PCDH15: variants seen among roughly 807,000 people sequenced by gnomAD.
The protein encoded by PCDH15 is protocadherin related 15, also known as protocadherin-15.
In PCDH15, 129 loss-of-function variants were observed where a neutral mutation model predicts 178.5. The ratio of observed to expected loss-of-function variants is 0.72; its 90% CI spans 0.63 to 0.84. The LOEUF (loss-of-function observed/expected upper bound fraction) is 0.84. Among genes scored for constraint, PCDH15 ranks in the 40% least tolerant of loss-of-function variants. The probability of loss-of-function intolerance (pLI) is 0.00; values close to 1 mark genes in which losing one functional copy is unlikely to be tolerated. For synonymous variants in PCDH15, 800 were observed against 732.0 expected (o/e 1.09, Z -1.50); for missense variants, 2,230 against 2,099.9 (o/e 1.06, Z -1.21).
intron 3 of PCDH15, among the ~76,000 whole-genome samples, chr10:54,451,400 G>A (rs994849283): frequency 8.6e-5 from 13 of 151,932 alleles, no homozygotes; most frequent in African/African-American, 3.1e-4. Flanking sequence ...TAGTTTGGAT[G>A]AGTCTGAACA....
At chr10:55,579,838 G>C (rs1014227611) in intron 2 of PCDH15, among the ~76,000 whole-genome samples, 1 of 151,724 alleles carries the variant, frequency 6.6e-6, no homozygotes, top group Non-Finnish European at 1.5e-5. Context: ...TTTTTTATTT[G>C]TTTTTTGTTG....
chr10:55,395,418 A>G (rs1354428349), intron 2 of PCDH15, among the ~76,000 whole-genome samples: 1 of 152,142 alleles, frequency 6.6e-6, no homozygotes, highest in Non-Finnish European at 1.5e-5. Context: ...AGATCATTAC[A>G]TGTGAAACAG....
chr10:54,067,466 T>G (rs1225581887), intron 17 of PCDH15, among the ~76,000 whole-genome samples: 1 of 152,196 alleles, frequency 6.6e-6, no homozygotes. Flanking sequence ...GGAAATGGTA[T>G]GCAGGTAAAC....
At chr10:54,840,963 C>A (rs987532779) in intron 3 of PCDH15, among the ~76,000 whole-genome samples, 3 of 151,766 alleles carry the variant, frequency 2.0e-5, no homozygotes, top group African/African-American at 7.2e-5. Flanking sequence ...AAGTAGACAG[C>A]AGTACAATAA....
chr10:55,085,315 T>C (rs560747436), intron 2 of PCDH15, among the ~76,000 whole-genome samples: 1 of 151,996 alleles, frequency 6.6e-6, no homozygotes, highest in South Asian at 2.1e-4. Context: ...ATTAAAACAA[T>C]TGAACTCATG....
At chr10:54,095,572 T>C (rs932196645) in intron 15 of PCDH15, among the ~76,000 whole-genome samples, 1 of 152,082 alleles carries the variant, frequency 6.6e-6, no homozygotes, top group Non-Finnish European at 1.5e-5. Context: ...ACAGCTCTTT[T>C]TCTTACAATA....
intron 8 of PCDH15, among the ~76,000 whole-genome samples, chr10:54,262,003 T>C (rs545137477): frequency 2.0e-5 from 3 of 152,258 alleles, no homozygotes; most frequent in South Asian, 4.1e-4. Context: ...CTGGCCCATA[T>C]ACCTTGAACA....
chr10:55,029,034 G>T (rs1270947596), intron 2 of PCDH15, among the ~76,000 whole-genome samples: 1 of 151,824 alleles, frequency 6.6e-6, no homozygotes, highest in East Asian at 1.9e-4. Flanking sequence ...TATTAATACT[G>T]CATTGTACCA....
Position 53,840,422 on chromosome 10 carries a change from T to G in PCDH15, c.3881A>C (p.His1294Pro). 6.2e-7 allele frequency: 1 copy of G among 1,614,120 alleles called. No individual in the cohort carries two copies. The highest frequency in any genetic ancestry group is 8.5e-7 in the Non-Finnish European group (1 of 1,179,980). The change falls in exon 29 of 38, where the codon CAT becomes CCT. Residue 1294 changes from histidine (H) to proline (P), a missense_variant. His to Pro is a moderately conservative substitution (Grantham distance 77). Transcript: ENST00000644397. Reference protein sequence around the residue: ...VVVESIGARRHGDAFSLEDYT... With the variant: ...VVVESIGARRPGDAFSLEDYT... ...ATCTTCTAGGGAAAAGGCATCTCCA[T>G]GCCGGCGAGCTCCAATGGACTCCAC...
chr10:54,042,041 A>T (rs1372442489), intron 18 of PCDH15, among the ~76,000 whole-genome samples: 1 of 152,120 alleles, frequency 6.6e-6, no homozygotes, highest in Non-Finnish European at 1.5e-5. Flanking sequence ...ATAATGGCAT[A>T]ATGACTTAGA....
chr10:54,997,482 C>T (rs1363614661), intron 2 of PCDH15, among the ~76,000 whole-genome samples: 1 of 152,144 alleles, frequency 6.6e-6, no homozygotes, highest in Non-Finnish European at 1.5e-5. Flanking sequence ...TGTCAGCATA[C>T]ATTTTCATCT....
At chr10:54,305,106 T>C (rs1448755417) in intron 8 of PCDH15, among the ~76,000 whole-genome samples, 3 of 152,134 alleles carry the variant, frequency 2.0e-5, no homozygotes, top group Admixed American at 6.6e-5. Flanking sequence ...TAAAGTGTTA[T>C]GTACATAATT....
At chr10:53,847,047 G>A (rs1248891607) in intron 28 of PCDH15, among the ~76,000 whole-genome samples, 1 of 151,958 alleles carries the variant, frequency 6.6e-6, no homozygotes, top group African/African-American at 2.4e-5. Context: ...CTCCATTATT[G>A]TGTCTTTGTG....
intron 2 of PCDH15, among the ~76,000 whole-genome samples, chr10:55,390,936 T>C (rs1436320661): frequency 6.6e-6 from 1 of 152,188 alleles, no homozygotes; most frequent in African/African-American, 2.4e-5. Flanking sequence ...CATTAAGACT[T>C]AAGGACCCTG....
chr10:54,460,632 A>G (rs2077107415), intron 3 of PCDH15, among the ~76,000 whole-genome samples: 1 of 152,134 alleles, frequency 6.6e-6, no homozygotes, highest in Admixed American at 6.6e-5. Flanking sequence ...TATAATACAC[A>G]AAATATCATC....
intron 2 of PCDH15, among the ~76,000 whole-genome samples, chr10:55,005,946 A>G (rs1011002042): frequency 2.6e-5 from 4 of 151,830 alleles, no homozygotes; most frequent in African/African-American, 9.7e-5. Context: ...ATAAATACTT[A>G]TTCTATTTTT....
intron 14 of PCDH15, among the ~76,000 whole-genome samples, chr10:54,143,690 TTCA>T (rs1350323271): frequency 3.9e-5 from 6 of 152,198 alleles, no homozygotes; most frequent in Non-Finnish European, 8.8e-5. Context: ...TGTTTTGTTT[TTCA>T]GAGTCTGGAT....
chr10:53,904,047 A>G (rs550844788), intron 25 of PCDH15, among the ~76,000 whole-genome samples: 1 of 152,316 alleles, frequency 6.6e-6, no homozygotes, highest in South Asian at 2.1e-4. Flanking sequence ...ATATGTCATC[A>G]TCAAATGTTA....
intron 2 of PCDH15, among the ~76,000 whole-genome samples, chr10:55,359,244 A>G (rs898683396): frequency 1.3e-5 from 2 of 151,932 alleles, no homozygotes; most frequent in African/African-American, 4.8e-5. Flanking sequence ...TGGCACAAGT[A>G]TACTAAAATC....
Sources: allele counts gnomAD v4.1 joint callset (sites outside exome capture counted in the v4.1 genomes callset), GRCh38; gene constraint gnomAD v4.1.1; transcripts MANE v1.5; gene names NCBI Gene and HGNC (gene_info 2026-07-23, HGNC 2026-07-21).